Variants in BBX observed in about 807,000 individuals in gnomAD.
BBX encodes the protein HMG box transcription factor BBX.
A neutral mutation model predicts 100.2 loss-of-function variants in BBX; 30 were observed. That is an observed-to-expected ratio of 0.30 (90% CI 0.22 to 0.41). The LOEUF (loss-of-function observed/expected upper bound fraction) is 0.41. Ranked by LOEUF, BBX falls within the 10% of genes least tolerant of loss-of-function variation. The pLI, the probability that BBX is intolerant of heterozygous loss-of-function variation, is 1.00. For missense variants in BBX, 1,023 were observed against 1,129.8 expected, an observed-to-expected ratio of 0.91 and a Z score of 1.35; for synonymous variants, 376 against 388.1, an observed-to-expected ratio of 0.97 and a Z score of 0.37.
At chr3:107,691,721 C>T (rs754656923) in intron 3 of BBX, among the ~76,000 whole-genome samples, 6 of 152,078 alleles carry the variant, frequency 3.9e-5, no homozygotes, top group Non-Finnish European at 7.4e-5. Context: ...TTATTAAATA[C>T]GTATATTCAA....
At position 107,688,982 on chromosome 3, in the gene BBX, T is replaced by C. The variant is rs2060000167; in HGVS notation, c.-9-21470T>C. Among the ~76,000 whole-genome samples, 9 of 152,348 alleles carry C rather than the reference T, an allele frequency of 5.9e-5. 1 individual carries two copies. The South Asian group carries it at 1.9e-3, about 32-fold the overall frequency. On this transcript the variant is annotated intron_variant, in intron 3 of 17. Transcript: ENST00000325805. Reference sequence around the variant, plus strand: ...GGAAGCTATAATGTGATATAAAATATGTCTGATATTTGCTGTTAGATTGTG... The same window carrying C: ...GGAAGCTATAATGTGATATAAAATACGTCTGATATTTGCTGTTAGATTGTG...
At chr3:107,626,956 A>G (rs976381691) in intron 2 of BBX, among the ~76,000 whole-genome samples, 5 of 152,104 alleles carry the variant, frequency 3.3e-5, no homozygotes, top group African/African-American at 9.7e-5. Context: ...CTGGCCTTCC[A>G]TAGGACTTCT....
intron 13 of BBX, among the ~76,000 whole-genome samples, chr3:107,786,367 TAGA>T (rs1425884485): frequency 2.0e-5 from 3 of 152,064 alleles, no homozygotes; most frequent in African/African-American, 7.2e-5. Context: ...AAAACAATCT[TAGA>T]AGAAAATAGT....
chr3:107,750,284 G>A (rs908025006), intron 9 of BBX, among the ~76,000 whole-genome samples: 6 of 152,098 alleles, frequency 3.9e-5, no homozygotes, highest in African/African-American at 1.4e-4. Flanking sequence ...AGTATATGCA[G>A]GATTTGAGGA....
intron 8 of BBX, among the ~76,000 whole-genome samples, chr3:107,747,696 C>G (rs1470299672): frequency 1.3e-5 from 2 of 151,610 alleles, no homozygotes; most frequent in Non-Finnish European, 2.9e-5. Context: ...CAACAGGTCT[C>G]CTTAACTGCT....
intron 3 of BBX, among the ~76,000 whole-genome samples, chr3:107,649,632 G>GTGTTTGTTTTTAAACA (rs2057721827): frequency 1.5e-5 from 2 of 133,382 alleles, no homozygotes; most frequent in African/African-American, 5.1e-5. Context: ...ATCCGACAGT[G>GTGTTTGTTTTTAAACA]CATATCTAAA....
intron 2 of BBX, chr3:107,526,679 T>G (rs1213552005): frequency 4.3e-6 from 1 of 234,700 alleles, no homozygotes; most frequent in African/African-American, 2.2e-5. Flanking sequence ...ATAATGAAAT[T>G]TTACATGGCA....
intron 2 of BBX, among the ~76,000 whole-genome samples, chr3:107,549,012 G>A (rs2049456336): frequency 6.6e-6 from 1 of 152,104 alleles, no homozygotes; most frequent in Admixed American, 6.6e-5. Context: ...AAGGAGGGGA[G>A]CATGGGCTGA....
At chr3:107,715,165 G>A (rs1474983604) in intron 4 of BBX, among the ~76,000 whole-genome samples, 1 of 152,138 alleles carries the variant, frequency 6.6e-6, no homozygotes, top group East Asian at 1.9e-4. Flanking sequence ...AATAAACATT[G>A]TAATAAAAGA....
At chr3:107,577,777 A>G (rs2051907428) in intron 2 of BBX, among the ~76,000 whole-genome samples, 1 of 152,158 alleles carries the variant, frequency 6.6e-6, no homozygotes, top group Admixed American at 6.5e-5. Context: ...CAAATGAACA[A>G]AGGGTAGATA....
In BBX at chr3:107,805,712, T is replaced by C. The variant is rs1576908718; in HGVS notation, c.*255T>C. 3.6e-6 allele frequency: 2 copies of C among 561,994 alleles called. No homozygotes were observed. The highest frequency in any genetic ancestry group is 5.7e-6 in the Non-Finnish European group (2 of 349,352). The allele number at this position is 561,994 out of a possible 1,614,324, so 34.8% of individuals were successfully genotyped here. ...AGAATGATCCTGGAGCTTTGCTTTC[T>C]ATTGAAGGCTTTTGACGGTAATAGG... On this transcript the variant is annotated 3_prime_UTR_variant, in exon 18 of 18. Transcript: ENST00000325805.
At chr3:107,738,061 G>T (rs2063784471) in intron 7 of BBX, among the ~76,000 whole-genome samples, 1 of 151,122 alleles carries the variant, frequency 6.6e-6, no homozygotes, top group Non-Finnish European at 1.5e-5. Context: ...TTGGATTGGG[G>T]ATACTGAACC....
intron 2 of BBX, among the ~76,000 whole-genome samples, chr3:107,590,246 T>C (rs2053205730): frequency 6.6e-6 from 1 of 152,224 alleles, no homozygotes; most frequent in African/African-American, 2.4e-5. Context: ...TTTATGTATA[T>C]AGGCATCTAT....
At chr3:107,649,937 A>G (rs1053977419) in intron 3 of BBX, among the ~76,000 whole-genome samples, 3 of 152,222 alleles carry the variant, frequency 2.0e-5, no homozygotes, top group Non-Finnish European at 2.9e-5. Flanking sequence ...CTGTATATTA[A>G]TAAGGTCAGC....
chr3:107,780,559 CA>C (rs2067771280), intron 13 of BBX, among the ~76,000 whole-genome samples: 1 of 152,046 alleles, frequency 6.6e-6, no homozygotes, highest in Non-Finnish European at 1.5e-5. Context: ...TCTCAAGCCA[CA>C]AAGTCACTGG....
At chr3:107,792,817 CTTTACTCTTTACTTAAAATG>C (rs943114943) in intron 15 of BBX, among the ~76,000 whole-genome samples, 2 of 152,106 alleles carry the variant, frequency 1.3e-5, no homozygotes, top group Non-Finnish European at 2.9e-5. Context: ...TTTAGGACCA[CTTTACTCTTTACTTAAAATG>C]TTTACTCTTT....
chr3:107,693,645 T>G (rs1267727387), intron 3 of BBX, among the ~76,000 whole-genome samples: 1 of 151,852 alleles, frequency 6.6e-6, no homozygotes, highest in African/African-American at 2.4e-5. Context: ...TGCCTCCGGC[T>G]TTGTTCTTTT....
At chr3:107,672,379 AG>A (rs896545214) in intron 3 of BBX, among the ~76,000 whole-genome samples, 2 of 152,042 alleles carry the variant, frequency 1.3e-5, no homozygotes, top group Non-Finnish European at 2.9e-5. Context: ...TTTGAGTTAA[AG>A]GGGATCTAGG....
intron 2 of BBX, among the ~76,000 whole-genome samples, chr3:107,548,512 G>T (rs2049409098): frequency 6.6e-6 from 1 of 152,098 alleles, no homozygotes; most frequent in Non-Finnish European, 1.5e-5. Context: ...CTTAATAATG[G>T]TTAGTAGTAT....
Sources: allele counts gnomAD v4.1 joint callset (sites outside exome capture counted in the v4.1 genomes callset), GRCh38; gene constraint gnomAD v4.1.1; transcripts MANE v1.5; gene names NCBI Gene and HGNC (gene_info 2026-07-23, HGNC 2026-07-21).